HDAC5: variants seen among roughly 807,000 people sequenced by gnomAD.
HDAC5 encodes antigen NY-CO-9.
Under a neutral mutation model 133.3 loss-of-function variants are expected in HDAC5, and 25 were observed. That is an observed-to-expected ratio of 0.19 (90% CI 0.14 to 0.26). The LOEUF (loss-of-function observed/expected upper bound fraction) is 0.26, where lower values mean the gene tolerates loss of function less well. Among genes scored for constraint, HDAC5 ranks in the 10% least tolerant of loss-of-function variants. The probability of loss-of-function intolerance (pLI) is 1.00; values close to 1 mark genes in which losing one functional copy is unlikely to be tolerated. For missense variants in HDAC5, 1,041 were observed against 1,460.5 expected (o/e 0.71, Z 4.68); for synonymous variants, 589 against 610.8 (o/e 0.96, Z 0.53).
chr17:44,102,611 G>A (rs966533385), intron 3 of HDAC5, among the ~76,000 whole-genome samples: 7 of 151,234 alleles, frequency 4.6e-5, no homozygotes, highest in East Asian at 1.9e-4. Flanking sequence ...CGCCTGCCTC[G>A]GCCTCCCAAA....
chr17:44,079,656 A>AAG (rs2050293763), intron 23 of HDAC5, among the ~76,000 whole-genome samples: 1 of 151,570 alleles, frequency 6.6e-6, no homozygotes, highest in Admixed American at 6.6e-5. Flanking sequence ...AAAAAAAAAA[A>AAG]AAAAGAAAGA....
At position 44,117,692 on chromosome 17, in the gene HDAC5, C is replaced by T; in HGVS notation, c.-177G>A. On this transcript the variant is annotated 5_prime_UTR_variant, in exon 2 of 27. It removes the in-frame stop codon of an upstream open reading frame in the 5' UTR. Coordinates refer to ENST00000682912, the MANE Select transcript of HDAC5 (RefSeq NM_005474.5). This position sits in a 1 kb window ranked among gnomAD's most constrained non-coding sequence, Gnocchi z 4.2. Reference sequence around the variant, plus strand: ...CTTCGGGGCGAGGCAGTCAGGCACTCAGAACGGCATCCCTGGGGAGAGATG... The same window carrying T: ...CTTCGGGGCGAGGCAGTCAGGCACTTAGAACGGCATCCCTGGGGAGAGATG... 1.5e-6 allele frequency: 1 copy of T among 671,894 alleles called. No homozygotes were observed. The highest frequency in any genetic ancestry group is 2.7e-6 in the Non-Finnish European group (1 of 374,504). The allele number at this position is 671,894 out of a possible 1,614,324, so 41.6% of individuals were successfully genotyped here.
chr17:44,119,083 T>C (rs981838797), intron 1 of HDAC5, among the ~76,000 whole-genome samples: 8 of 151,990 alleles, frequency 5.3e-5, no homozygotes, highest in Admixed American at 3.9e-4. Flanking sequence ...TGCACTCAGA[T>C]TGGGGGGCAG....
rs779180258 is a variant in HDAC5 at position 44,110,752 on chromosome 17, GA to G, written c.70del (p.Ser24LeufsTer7). The stretch of plus-strand genomic sequence containing the variant: ...ACCTGTCACAGGGATGCTGTGCAGA[GA>G]AGTCCGCGGCAGGATTTCCAAGGAT... ...EPSLEILPRT[S>X]LHSIPVTVEV... On this transcript the variant is annotated frameshift_variant, in exon 3 of 27. Coordinates refer to ENST00000682912, the MANE Select transcript of HDAC5 (RefSeq NM_005474.5). LOFTEE classifies it high-confidence loss of function. The G allele has an allele frequency of 6.2e-7, 1 of 1,613,832 alleles. No homozygotes were observed. The highest frequency in any genetic ancestry group is 8.5e-7 in the Non-Finnish European group (1 of 1,179,920).
At chr17:44,116,060 C>T (rs1474224729) in intron 2 of HDAC5, 1 of 152,254 alleles carries the variant, frequency 6.6e-6, no homozygotes, top group African/African-American at 2.4e-5. Flanking sequence ...AAAGAAACCC[C>T]AAAGCTGGGA....
At chr17:44,085,270 C>T (rs1260874850) in intron 14 of HDAC5, 115 bp from the exon 15 acceptor site, 1 of 1,111,232 alleles carries the variant, frequency 9.0e-7, no homozygotes, top group Non-Finnish European at 1.2e-6. Flanking sequence ...GGTCCAAACA[C>T]CTCCCCATGG....
rs118175315 is a variant in HDAC5 at position 44,119,613 on chromosome 17, G to A, written c.-189-1909C>T. 8.2e-3 allele frequency among the ~76,000 whole-genome samples: 1,243 copies of A among 152,254 alleles called. 42 individuals are homozygous for A. The highest frequency in any genetic ancestry group is 0.063 in the Admixed American group (959 of 15,296). On this transcript the variant is annotated intron_variant, in intron 1 of 26. Coordinates refer to ENST00000682912, the MANE Select transcript of HDAC5 (RefSeq NM_005474.5). ...ATTCAGCAGGATCCCTGGGCCCCTGGGCCCTGTCCACCTGTAAAGAGTGTC... is the reference window on the plus strand; with the variant it reads ...ATTCAGCAGGATCCCTGGGCCCCTGAGCCCTGTCCACCTGTAAAGAGTGTC...
rs565448958 is a variant in HDAC5, at chr17:44,078,044, C to T, written c.*332G>A. 5.4e-5 allele frequency: 14 copies of T among 256,910 alleles called. No homozygotes were observed. The highest frequency in any genetic ancestry group is 7.4e-5 in the Non-Finnish European group (10 of 135,458). 15.9% of individuals were successfully genotyped at this position (256,910 alleles called of 1,614,324 possible). ...CCGTTCCCTCCTCACTCGGGGGGCC[C>T]CAGAACTGGAGAGTACTGTCTGGGC... On this transcript the variant is annotated 3_prime_UTR_variant, in exon 27 of 27. Transcript: ENST00000682912.
At chr17:44,106,660 G>A (rs2051969781) in intron 3 of HDAC5, among the ~76,000 whole-genome samples, 1 of 150,144 alleles carries the variant, frequency 6.7e-6, no homozygotes, top group Non-Finnish European at 1.5e-5. Context: ...GCGCAATCTC[G>A]ACTCACCGCA....
At chr17:44,085,547 G>A (rs112428733) in intron 14 of HDAC5, among the ~76,000 whole-genome samples, 1,622 of 151,894 alleles carry the variant, frequency 0.011, 29 homozygotes, top group African/African-American at 0.037. Context: ...TCGCTCTGTC[G>A]GCCAGGTCCA....
intron 12 of HDAC5, among the ~76,000 whole-genome samples, 161 bp downstream of exon 12, chr17:44,088,226 T>C (rs1243025187): frequency 6.6e-6 from 1 of 152,206 alleles, no homozygotes; most frequent in African/African-American, 2.4e-5. Flanking sequence ...TTGGCCAGGC[T>C]GGTCTCGAAC....
At chr17:44,092,571 C>T in intron 7 of HDAC5, 44 bp from the exon 8 acceptor site, 1 of 1,589,232 alleles carries the variant, frequency 6.3e-7, no homozygotes, top group Non-Finnish European at 8.6e-7. Flanking sequence ...CACAGCAGCA[C>T]ACATCTGCAG....
intron 15 of HDAC5, 109 bp from the exon 16 acceptor site, chr17:44,084,784 A>C: frequency 7.0e-7 from 1 of 1,421,562 alleles, no homozygotes; most frequent in South Asian, 1.3e-5. Flanking sequence ...AGGAGATCCA[A>C]ATATTTTCAG....
At position 44,092,453 on chromosome 17, in the gene HDAC5, G is replaced by A. The variant is rs757712732; in HGVS notation, c.847C>T (p.Arg283Cys). The change falls in exon 8 of 27, where the codon CGT (arginine) becomes TGT (cysteine). Residue 283 changes from arginine to cysteine, a missense_variant. Coordinates refer to ENST00000682912, the MANE Select transcript of HDAC5 (RefSeq NM_005474.5). ...VAERRSSPLLRRKDGTVISTF... is the reference protein window; with the variant it reads ...VAERRSSPLLCRKDGTVISTF... ...CTAATAACAGTCCCATCCTTGCGACGCAGGAGGGGACTGCTTCTCCGCTCA... is the reference window on the plus strand; with the variant it reads ...CTAATAACAGTCCCATCCTTGCGACACAGGAGGGGACTGCTTCTCCGCTCA... 5.6e-6 allele frequency: 9 copies of A among 1,613,756 alleles called. No homozygotes were observed. Among genetic ancestry groups the A allele is most frequent in the African/African-American group, 4.0e-5 (3 of 75,038 alleles).
intron 2 of HDAC5, among the ~76,000 whole-genome samples, chr17:44,113,539 CT>C (rs923605760): frequency 5.3e-5 from 8 of 152,158 alleles, no homozygotes; most frequent in African/African-American, 1.9e-4. Flanking sequence ...ATCCTTCATG[CT>C]TTAGCCCCCC....
intron 3 of HDAC5, among the ~76,000 whole-genome samples, chr17:44,098,054 G>A (rs1182099837): frequency 2.0e-5 from 3 of 152,266 alleles, no homozygotes; most frequent in Admixed American, 6.5e-5. Flanking sequence ...GGACCTGCAG[G>A]GACTGGGTGA....
intron 2 of HDAC5, among the ~76,000 whole-genome samples, chr17:44,113,736 T>C (rs945158355): frequency 1.3e-5 from 2 of 152,144 alleles, no homozygotes; most frequent in African/African-American, 4.8e-5. Context: ...GCCCTCTGAA[T>C]CTGAAGGAGG....
At position 44,084,639 on chromosome 17, in the gene HDAC5, G is replaced by C. The variant is rs1388347524; in HGVS notation, c.2221C>G (p.Gln741Glu). The C allele has an allele frequency of 6.2e-7, 1 of 1,614,122 alleles. No homozygotes were observed. The highest frequency in any genetic ancestry group is 8.5e-7 in the Non-Finnish European group (1 of 1,179,994). Residue 741 changes from glutamine (Q) to glutamate (E), a missense_variant, in exon 16 of 27, where the codon CAG becomes GAG. This residue lies in a region of HDAC5 where 42 missense variants were observed against 101.7 expected (regional missense o/e 0.41). Transcript: ENST00000682912. ...GTGTGGTATTCAGAGTGCACTGTCT[G>C]GATCTCATCTAGCGTGGCTTTGCGA... ...RGRKATLDEI[Q>E]TVHSEYHTLL... is the part of the protein sequence containing the mutation.
At chr17:44,091,665 C>T in intron 10 of HDAC5, 35 bp downstream of exon 10, 1 of 1,522,054 alleles carries the variant, frequency 6.6e-7, no homozygotes, top group Non-Finnish European at 8.8e-7. Flanking sequence ...GACCTCAACA[C>T]CAGAGGGAAG....
Sources: gnomAD v4.1 joint callset for allele counts (sites outside exome capture counted in the v4.1 genomes callset) on GRCh38, gnomAD v4.1.1 for gene constraint, gnomAD v4.1.1 regional missense constraint, Gnocchi (gnomAD v3.1) non-coding constraint, MANE v1.5 for transcripts, NCBI Gene and HGNC (gene_info 2026-07-23, HGNC 2026-07-21) for gene names.